FAM149B1: variants seen among roughly 807,000 people sequenced by gnomAD.
FAM149B1 encodes the protein family with sequence similarity 149 member B1.
In FAM149B1, 56 loss-of-function variants were observed where a neutral mutation model predicts 75.3. The observed-to-expected ratio is 0.74, with a 90% CI of 0.60 to 0.93. The LOEUF is 0.93. Ranked by LOEUF, FAM149B1 falls within the 40% of genes least tolerant of loss-of-function variation. FAM149B1 has a pLI of 0.00. For missense variants in FAM149B1, 639 were observed against 708.4 expected (o/e 0.90, Z 1.11); for synonymous variants, 259 against 256.1 (o/e 1.01, Z -0.11).
At chr10:73,201,978 A>G (rs1017219073) in intron 5 of FAM149B1, among the ~76,000 whole-genome samples, 2 of 152,132 alleles carry the variant, frequency 1.3e-5, no homozygotes, top group African/African-American at 4.8e-5. Context: ...CAGTCTGGCC[A>G]ACATGGTGAA....
At position 73,239,400 on chromosome 10, in the gene FAM149B1, TG is replaced by T; in HGVS notation, c.1675+18del. 1 of 1,546,268 alleles carries T rather than the reference TG, an allele frequency of 6.5e-7. No homozygotes were observed. Among genetic ancestry groups the T allele is most frequent in the East Asian group, 2.4e-5 (1 of 40,904 alleles). ...GGATCTGCAGGTAAAGGTGGGGCCA[TG>T]GCCCTTATTTACTACTGTGTGGTTG... On this transcript the variant is annotated intron_variant, in intron 13 of 13. Coordinates refer to ENST00000242505, the MANE Select transcript of FAM149B1 (RefSeq NM_173348.2).
intron 7 of FAM149B1, among the ~76,000 whole-genome samples, chr10:73,215,517 C>T (rs1037062917): frequency 6.6e-6 from 1 of 152,162 alleles, no homozygotes; most frequent in African/African-American, 2.4e-5. Context: ...ACACCATGCC[C>T]AGCCATCTTT....
chr10:73,181,009 CTT>C (rs558040188), intron 3 of FAM149B1, among the ~76,000 whole-genome samples: 19 of 137,662 alleles, frequency 1.4e-4, no homozygotes, highest in African/African-American at 1.6e-4. Flanking sequence ...TTTTCTAGTT[CTT>C]TTTTTTTTTT....
chr10:73,195,241 C>T (rs1422239280), intron 5 of FAM149B1, among the ~76,000 whole-genome samples: 1 of 152,072 alleles, frequency 6.6e-6, no homozygotes, highest in Non-Finnish European at 1.5e-5. Context: ...GTAGTCTCAC[C>T]AGACCACAAA....
chr10:73,193,409 A>G, intron 4 of FAM149B1, 68 bp from the exon 5 acceptor site: 2 of 1,485,364 alleles, frequency 1.3e-6, no homozygotes, highest in East Asian at 5.0e-5. Context: ...TGTGTCCAAA[A>G]TATATCTAGA....
At chr10:73,183,025 C>A (rs1272628902) in intron 3 of FAM149B1, among the ~76,000 whole-genome samples, 1 of 152,158 alleles carries the variant, frequency 6.6e-6, no homozygotes, top group Non-Finnish European at 1.5e-5. Flanking sequence ...TTGTCTCTGT[C>A]TCCCTGCCTG....
At chr10:73,215,044 A>G (rs1170408287) in intron 7 of FAM149B1, among the ~76,000 whole-genome samples, 2 of 151,418 alleles carry the variant, frequency 1.3e-5, no homozygotes, top group East Asian at 1.9e-4. Context: ...ACAGAGTCTC[A>G]CTCTGTCACC....
chr10:73,193,088 C>T lies in FAM149B1; in HGVS notation c.426-389C>T, dbSNP rs577972764. On this transcript the variant is annotated intron_variant, in intron 4 of 13. Transcript: ENST00000242505. ...TCCTTCAGAAACTGCAGTAGTACCA[C>T]TTATTGCACATACTCAAAATTTACA... 1.7e-3 allele frequency among the ~76,000 whole-genome samples: 254 copies of T among 152,292 alleles called. 1 individual carries two copies. Among genetic ancestry groups the T allele is most frequent in the African/African-American group, 5.2e-3 (215 of 41,566 alleles).
rs1343130518 is a variant in FAM149B1, at chr10:73,243,558, T to C, written c.*2539T>C. ...TAAAACACAAGCTTTCACAACATTATCCATAGACAGAAAGTACCTAGTGGT... is the reference window on the plus strand; with the variant it reads ...TAAAACACAAGCTTTCACAACATTACCCATAGACAGAAAGTACCTAGTGGT... On this transcript the variant is annotated 3_prime_UTR_variant, in exon 14 of 14. Transcript: ENST00000242505. 2.5e-6 allele frequency: 4 copies of C among 1,612,286 alleles called. No homozygotes were observed. The highest frequency in any genetic ancestry group is 3.4e-6 in the Non-Finnish European group (4 of 1,179,320).
intron 5 of FAM149B1, among the ~76,000 whole-genome samples, chr10:73,199,002 C>T (rs1430285709): frequency 5.3e-5 from 8 of 152,110 alleles, no homozygotes; most frequent in Non-Finnish European, 1.0e-4. Context: ...ACTCTACTTC[C>T]TAATGCCTAC....
Position 73,243,036 on chromosome 10 carries a change from G to A in FAM149B1, c.*2017G>A. On this transcript the variant is annotated 3_prime_UTR_variant, in exon 14 of 14. Coordinates refer to ENST00000242505, the MANE Select transcript of FAM149B1 (RefSeq NM_173348.2). ...GGAAGGTGTTCTAGCTGGGTAGAGA[G>A]CCTATTCTAACAGACACGCACATCG... 5.1e-6 allele frequency: 1 copy of A among 197,432 alleles called. No individual in the cohort carries two copies. Among genetic ancestry groups the A allele is most frequent in the Non-Finnish European group, 1.0e-5 (1 of 96,304 alleles). 12.2% of individuals were successfully genotyped at this position (197,432 alleles called of 1,614,324 possible).
At position 73,174,753 on chromosome 10, in the gene FAM149B1, C is replaced by T. The variant is rs565961356; in HGVS notation, c.114C>T (p.Pro38=). The T allele has an allele frequency of 3.2e-6, 5 of 1,551,262 alleles. No homozygotes were observed. The highest frequency in any genetic ancestry group is 4.4e-6 in the Non-Finnish European group (5 of 1,146,654). Residue 38 remains proline (P), a synonymous_variant, in exon 2 of 14, where the codon CCC becomes CCT. Transcript: ENST00000242505. ...PPPEKLEEIS[P]TSDSHEKDTS... Reference sequence around the variant, plus strand: ...CAGAGAAGCTGGAGGAAATTTCCCCCACCAGTGACAGTCATGAGAAAGACA... The same window carrying T: ...CAGAGAAGCTGGAGGAAATTTCCCCTACCAGTGACAGTCATGAGAAAGACA...
Position 73,228,140 on chromosome 10 carries a change from C to T in FAM149B1, c.979C>T (p.Pro327Ser), listed in dbSNP as rs750815216. Reference protein sequence around the residue: ...VLSELHPLVLPRVPQSKVLYI... With the variant: ...VLSELHPLVLSRVPQSKVLYI... ...GAGTGAACTACATCCTTTGGTGTTA[C>T]CGCGAGTGCCACAGTCTAAGGTGCT... Residue 327 changes from proline to serine, a missense_variant, in exon 8 of 14, where the codon CCG becomes TCG. Coordinates refer to ENST00000242505, the MANE Select transcript of FAM149B1 (RefSeq NM_173348.2). 3.2e-6 allele frequency: 5 copies of T among 1,551,514 alleles called. No individual in the cohort carries two copies. In the South Asian group the frequency reaches 5.9e-5, roughly 18 times the overall value.
intron 5 of FAM149B1, among the ~76,000 whole-genome samples, chr10:73,205,552 TTGTTTTTTTG>T (rs2133360046): frequency 6.6e-6 from 1 of 152,126 alleles, no homozygotes; most frequent in Admixed American, 6.5e-5. Flanking sequence ...TTTTTTGTTT[TTGTTTTTTTG>T]GGTTTTTTTG....
chr10:73,168,238 G>C lies in FAM149B1; in HGVS notation c.-102G>C. 2 of 1,321,832 alleles carry C rather than the reference G, an allele frequency of 1.5e-6. No individual in the cohort carries two copies. The highest frequency in any genetic ancestry group is 2.6e-5 in the East Asian group (1 of 38,164). 81.9% of individuals were successfully genotyped at this position (1,321,832 alleles called of 1,614,324 possible). A position where few individuals can be genotyped will look rare whatever the true frequency, so the allele number is the denominator to read the frequency against. On this transcript the variant is annotated 5_prime_UTR_variant, in exon 1 of 14. Transcript: ENST00000242505. The stretch of plus-strand genomic sequence containing the variant: ...ACGGGGCCGGTAGGTGGCGGGAGGG[G>C]CCGGGCCGGAGCCGGCGGGAGGGCC...
At position 73,214,981 on chromosome 10, in the gene FAM149B1, A is replaced by C. The variant is rs550230823; in HGVS notation, c.898+4543A>C. Among the ~76,000 whole-genome samples the C allele has an allele frequency of 1.5e-4, 23 of 152,028 alleles. No individual in the cohort carries two copies. In the South Asian group the frequency reaches 4.8e-3, roughly 32 times the overall value. On this transcript the variant is annotated intron_variant, in intron 7 of 13. Transcript: ENST00000242505. ...TTTTGTTGTTGTTGGCTGTGAATCT[A>C]TCTGGTTTTTGTTGTTGTTGTTGTT...
chr10:73,200,446 C>G (rs543619591), intron 5 of FAM149B1: 4 of 612,576 alleles, frequency 6.5e-6, no homozygotes, highest in South Asian at 5.8e-5. Context: ...AAAATGAATG[C>G]AAAAACTGCA....
chr10:73,189,956 G>T (rs1228112306), intron 3 of FAM149B1, among the ~76,000 whole-genome samples: 1 of 152,126 alleles, frequency 6.6e-6, no homozygotes, highest in Non-Finnish European at 1.5e-5. Flanking sequence ...AACAAAGCAG[G>T]TAAAGATATT....
At chr10:73,234,730 CTTCAT>C in intron 10 of FAM149B1, 82 bp from the exon 11 acceptor site, 1 of 1,409,344 alleles carries the variant, frequency 7.1e-7, no homozygotes, top group East Asian at 2.5e-5. Context: ...AACTCATCTG[CTTCAT>C]TTATCTGATT....
Sources: allele counts gnomAD v4.1 joint callset (sites outside exome capture counted in the v4.1 genomes callset), GRCh38; gene constraint gnomAD v4.1.1; transcripts MANE v1.5; gene names NCBI Gene and HGNC (gene_info 2026-07-23, HGNC 2026-07-21).